PTPRG: variants seen among roughly 807,000 people sequenced by gnomAD.
PTPRG encodes receptor-type tyrosine-protein phosphatase gamma.
In PTPRG, 102 loss-of-function variants were observed where a neutral mutation model predicts 165.3. The ratio of observed to expected loss-of-function variants is 0.62; its 90% CI spans 0.53 to 0.73. The LOEUF (loss-of-function observed/expected upper bound fraction) is 0.73. Among genes scored for constraint, PTPRG ranks in the 30% least tolerant of loss-of-function variants. The probability of loss-of-function intolerance (pLI) is 0.00; values close to 1 mark genes in which losing one functional copy is unlikely to be tolerated. For synonymous variants in PTPRG, 675 were observed against 669.5 expected (o/e 1.01, Z -0.13); for missense variants, 1,866 against 1,861.4 (o/e 1.00, Z -0.05).
chr3:61,622,825 A>T (rs532436370), intron 1 of PTPRG, among the ~76,000 whole-genome samples: 3 of 152,328 alleles, frequency 2.0e-5, no homozygotes, highest in Admixed American at 6.5e-5. Context: ...ACTGCCTCTT[A>T]ATGAATCACA....
At chr3:62,139,315 C>T (rs1224314690) in intron 6 of PTPRG, among the ~76,000 whole-genome samples, 1 of 151,970 alleles carries the variant, frequency 6.6e-6, no homozygotes, top group African/African-American at 2.4e-5. Flanking sequence ...AAAAATTAAC[C>T]AGGCTTGGTG....
chr3:61,848,457 C>T (rs958070491), intron 2 of PTPRG, among the ~76,000 whole-genome samples: 1 of 152,208 alleles, frequency 6.6e-6, no homozygotes, highest in Non-Finnish European at 1.5e-5. Flanking sequence ...AAGGAAAATG[C>T]TGAAGGAACA....
At chr3:62,199,174 A>C (rs1405037667) in intron 10 of PTPRG, among the ~76,000 whole-genome samples, 2 of 152,178 alleles carry the variant, frequency 1.3e-5, no homozygotes, top group African/African-American at 4.8e-5. Flanking sequence ...CACCTGTCTG[A>C]AGCATGAAGT....
At chr3:61,793,087 C>T (rs2034936695) in intron 2 of PTPRG, among the ~76,000 whole-genome samples, 1 of 152,124 alleles carries the variant, frequency 6.6e-6, no homozygotes, top group African/African-American at 2.4e-5. Context: ...GGAAAGGTCT[C>T]CAAGGTTCAG....
intron 2 of PTPRG, among the ~76,000 whole-genome samples, chr3:61,756,205 C>G (rs17065290): frequency 0.17 from 26,553 of 152,126 alleles, 2,981 homozygotes; most frequent in Non-Finnish European, 0.23. Context: ...TTCTTATGCC[C>G]TTTAGAGTTC....
At chr3:61,634,650 G>C (rs1233197605) in intron 1 of PTPRG, among the ~76,000 whole-genome samples, 1 of 152,098 alleles carries the variant, frequency 6.6e-6, no homozygotes, top group African/African-American at 2.4e-5. Context: ...CAGGTAGCAG[G>C]ACAGAACTTC....
At chr3:62,130,372 A>G (rs1461780212) in intron 5 of PTPRG, among the ~76,000 whole-genome samples, 1 of 152,228 alleles carries the variant, frequency 6.6e-6, no homozygotes, top group Non-Finnish European at 1.5e-5. Flanking sequence ...CCATTCACTA[A>G]AGCAAGACAT....
chr3:61,836,060 AC>A (rs71616833), intron 2 of PTPRG, among the ~76,000 whole-genome samples: 2 of 17,410 alleles, frequency 1.1e-4, no homozygotes, highest in African/African-American at 2.0e-4. Context: ...GCCCCCCCCC[AC>A]CAAAAAAAAA....
At chr3:62,216,009 G>C (rs1700493787) in intron 12 of PTPRG, among the ~76,000 whole-genome samples, 1 of 152,146 alleles carries the variant, frequency 6.6e-6, no homozygotes, top group Non-Finnish European at 1.5e-5. Context: ...CTTGAGGTCA[G>C]GAGTTTGAGG....
At chr3:62,035,039 A>AAGAC (rs1369455733) in intron 4 of PTPRG, among the ~76,000 whole-genome samples, 4 of 152,168 alleles carry the variant, frequency 2.6e-5, no homozygotes, top group African/African-American at 9.7e-5. Flanking sequence ...GGACTCCACC[A>AAGAC]AGACAGACCT....
intron 1 of PTPRG, among the ~76,000 whole-genome samples, chr3:61,731,540 G>C (rs550049375): frequency 6.6e-6 from 1 of 151,996 alleles, no homozygotes; most frequent in African/African-American, 2.4e-5. Flanking sequence ...GTAGAGACAG[G>C]GTTTCACCAT....
At chr3:61,921,149 TTCCTTCC>T (rs1291406085) in intron 2 of PTPRG, among the ~76,000 whole-genome samples, 2 of 151,886 alleles carry the variant, frequency 1.3e-5, no homozygotes, top group Non-Finnish European at 2.9e-5. Context: ...CCTTCCTTCC[TTCCTTCC>T]TTCCTTCTTA....
chr3:61,949,186 CCAAAT>C (rs1453636441), intron 2 of PTPRG, among the ~76,000 whole-genome samples: 4 of 151,770 alleles, frequency 2.6e-5, no homozygotes, highest in Admixed American at 6.6e-5. Flanking sequence ...CTCAAAAAAA[CCAAAT>C]CAACCAACCA....
At chr3:61,949,178 CA>C (rs2039837049) in intron 2 of PTPRG, among the ~76,000 whole-genome samples, 1 of 151,850 alleles carries the variant, frequency 6.6e-6, no homozygotes, top group Admixed American at 6.6e-5. Context: ...AAAAACAACT[CA>C]AAAAAACCAA....
At chr3:61,579,042 G>T (rs915679781) in intron 1 of PTPRG, among the ~76,000 whole-genome samples, 11 of 152,304 alleles carry the variant, frequency 7.2e-5, no homozygotes, top group Non-Finnish European at 1.5e-4. Context: ...TCAGGGGAGG[G>T]CTTCTGAGAG....
intron 29 of PTPRG, 27 bp downstream of exon 29, chr3:62,292,583 C>T (rs371482737): frequency 1.2e-6 from 2 of 1,608,698 alleles, no homozygotes; most frequent in Admixed American, 3.4e-5. Context: ...TGTGTAAAAC[C>T]TGTACTACAT....
At chr3:62,154,436 C>A (rs1489509127) in intron 6 of PTPRG, among the ~76,000 whole-genome samples, 1 of 152,150 alleles carries the variant, frequency 6.6e-6, no homozygotes. Flanking sequence ...AACAGAGATG[C>A]CCTTTTGAGT....
chr3:62,255,526 A>G lies in PTPRG; in HGVS notation c.2559+311A>G, dbSNP rs1376363075. ...CTAATTCTAACTGGGAACAGCAGTC[A>G]TAACACAAGGCTCCCTAATTCCATG... On this transcript the variant is annotated intron_variant, in intron 16 of 29. Transcript: ENST00000474889. This position sits in a 1 kb window ranked among gnomAD's most constrained non-coding sequence, Gnocchi z 4.0. 6.6e-6 allele frequency among the ~76,000 whole-genome samples: 1 copy of G among 152,180 alleles called. No homozygotes were observed. The highest frequency in any genetic ancestry group is 1.5e-5 in the Non-Finnish European group (1 of 68,034).
intron 1 of PTPRG, among the ~76,000 whole-genome samples, chr3:61,641,680 G>A (rs1372325392): frequency 2.6e-5 from 4 of 152,126 alleles, no homozygotes; most frequent in Admixed American, 1.3e-4. Flanking sequence ...CCTAATCCAG[G>A]TTTAGTAGTG....
Sources: allele counts gnomAD v4.1 joint callset (sites outside exome capture counted in the v4.1 genomes callset), GRCh38; gene constraint gnomAD v4.1.1; non-coding constraint Gnocchi (gnomAD v3.1); transcripts MANE v1.5; gene names NCBI Gene and HGNC (gene_info 2026-07-23, HGNC 2026-07-21).